KDM5A: variants seen among roughly 807,000 people sequenced by gnomAD.
The protein encoded by KDM5A is lysine-specific demethylase 5A.
A neutral mutation model predicts 193.5 loss-of-function variants in KDM5A; 42 were observed. The observed-to-expected ratio is 0.22, with a 90% CI of 0.17 to 0.28. KDM5A has a LOEUF of 0.28. Among genes scored for constraint, KDM5A ranks in the 10% least tolerant of loss-of-function variants. The pLI is 1.00. For missense variants in KDM5A, 1,692 were observed against 2,055.1 expected (o/e 0.82, Z 3.42); for synonymous variants, 796 against 718.1 (o/e 1.11, Z -1.73).
In KDM5A at chr12:333,480, G is replaced by C; in HGVS notation, c.1653+7C>G. 6.2e-7 allele frequency: 1 copy of C among 1,613,828 alleles called. No homozygotes were observed. The highest frequency in any genetic ancestry group is 1.1e-5 in the South Asian group (1 of 91,072). On this transcript the variant is annotated splice_region_variant and intron_variant, in intron 12 of 27. Transcript: ENST00000399788. ...AAACAACTGAAGGAAGACACCAAAAGACTCACAGGCACACCATGCTCCATT... is the reference window on the plus strand; with the variant it reads ...AAACAACTGAAGGAAGACACCAAAACACTCACAGGCACACCATGCTCCATT...
chr12:335,476 T>C (rs1158508640), intron 10 of KDM5A, among the ~76,000 whole-genome samples: 2 of 152,180 alleles, frequency 1.3e-5, no homozygotes, highest in Admixed American at 1.3e-4. Context: ...TCATAACAGA[T>C]TGAATGCAGA....
At position 283,763 on chromosome 12, in the gene KDM5A, C is replaced by G. The variant is rs946460900; in HGVS notation, c.*1693G>C. 3 of 232,230 alleles carry G rather than the reference C, an allele frequency of 1.3e-5. No homozygotes were observed. The highest frequency in any genetic ancestry group is 1.7e-5 in the Non-Finnish European group (2 of 117,688). 14.4% of individuals were successfully genotyped at this position (232,230 alleles called of 1,614,324 possible). A position where few individuals can be genotyped will look rare whatever the true frequency, so the allele number is the denominator to read the frequency against. ...AAGTCAAACCACAGATTTTTTTAAA[C>G]CAAAATAAAGACACCAGACAGTGAT... On this transcript the variant is annotated 3_prime_UTR_variant, in exon 28 of 28. Transcript: ENST00000399788.
In KDM5A at chr12:281,762, C is replaced by G. The variant is rs1943156227; in HGVS notation, c.*3694G>C. On this transcript the variant is annotated 3_prime_UTR_variant, in exon 28 of 28. Transcript: ENST00000399788. Reference sequence around the variant, plus strand: ...ACCCATCTTTTGAAAGACAGGTCTTCTCAGTTTTTCTGTTCATCCTCCTAC... The same window carrying G: ...ACCCATCTTTTGAAAGACAGGTCTTGTCAGTTTTTCTGTTCATCCTCCTAC... The G allele has an allele frequency of 4.3e-6, 1 of 233,718 alleles. No homozygotes were observed. The highest frequency in any genetic ancestry group is 1.8e-4 in the South Asian group (1 of 5,694). The allele number at this position is 233,718 out of a possible 1,614,324, so 14.5% of individuals were successfully genotyped here.
chr12:296,306 GAC>G (rs1403762142), intron 25 of KDM5A, among the ~76,000 whole-genome samples: 3 of 136,826 alleles, frequency 2.2e-5, no homozygotes, highest in Non-Finnish European at 4.6e-5. Flanking sequence ...TGGGCAACAA[GAC>G]AGAAACTCCA....
chr12:368,683 A>T (rs1185778678), intron 3 of KDM5A, among the ~76,000 whole-genome samples: 1 of 152,162 alleles, frequency 6.6e-6, no homozygotes, highest in Non-Finnish European at 1.5e-5. Flanking sequence ...AGTGAGCCAG[A>T]TTGCACCACT....
At chr12:354,480 G>A (rs955064012) in intron 7 of KDM5A, among the ~76,000 whole-genome samples, 1 of 152,042 alleles carries the variant, frequency 6.6e-6, no homozygotes, top group East Asian at 1.9e-4. Context: ...TTAGAATAAA[G>A]ACTACAGGCC....
At chr12:382,737 G>A (rs1464218666) in intron 3 of KDM5A, among the ~76,000 whole-genome samples, 1 of 152,100 alleles carries the variant, frequency 6.6e-6, no homozygotes, top group Non-Finnish European at 1.5e-5. Flanking sequence ...TTCGAGACCA[G>A]CCTGACTAAG....
At position 282,203 on chromosome 12, in the gene KDM5A, C is replaced by T. The variant is rs185600386; in HGVS notation, c.*3253G>A. 76 of 244,686 alleles carry T rather than the reference C, an allele frequency of 3.1e-4. 1 individual carries two copies. The Middle Eastern group carries it at 6.0e-3, about 19-fold the overall frequency. 15.2% of individuals were successfully genotyped at this position (244,686 alleles called of 1,614,324 possible). ...AGAGACAGACAGACACATGGGGTCT[C>T]GCTGTTGACCAGGCGGGACTCAAAC... On this transcript the variant is annotated 3_prime_UTR_variant, in exon 28 of 28. Transcript: ENST00000399788.
At chr12:363,901 GAC>G (rs1368218863) in intron 4 of KDM5A, among the ~76,000 whole-genome samples, 3 of 151,764 alleles carry the variant, frequency 2.0e-5, no homozygotes, top group African/African-American at 7.3e-5. Context: ...ACAAGTATAA[GAC>G]AAACAACCCA....
chr12:294,567 T>C (rs1943345352), intron 26 of KDM5A, among the ~76,000 whole-genome samples: 1 of 152,228 alleles, frequency 6.6e-6, no homozygotes, highest in Non-Finnish European at 1.5e-5. Context: ...CTTTGCAGAC[T>C]GGAAAACACT....
Position 354,203 on chromosome 12 carries a change from C to G in KDM5A, c.902G>C (p.Arg301Pro). 1 of 1,610,106 alleles carries G rather than the reference C, an allele frequency of 6.2e-7. No homozygotes were observed. The highest frequency in any genetic ancestry group is 8.5e-7 in the Non-Finnish European group (1 of 1,177,020). Residue 301 changes from arginine (R) to proline (P), a missense_variant, in exon 8 of 28, where the codon CGG (arginine) becomes CCG (proline). By Grantham distance (103) the Arg-to-Pro change is moderately radical (BLOSUM62 -2). Around this residue, in one of 11 missense-constraint regions of KDM5A, gnomAD observed 62 missense variants for 107.1 expected, o/e 0.58. Coordinates refer to ENST00000399788, the MANE Select transcript of KDM5A (RefSeq NM_001042603.3). Reference sequence around the variant, plus strand: ...AAGCAATTTATCTTCATTGTTTCCCCGACCACAAAACATACAAACATAGAG... The same window carrying G: ...AAGCAATTTATCTTCATTGTTTCCCGGACCACAAAACATACAAACATAGAG... ...VDLYVCMFCG[R>P]GNNEDKLLLC... is the part of the protein sequence containing the mutation.
At chr12:320,589 TA>T (rs1943705690) in intron 18 of KDM5A, among the ~76,000 whole-genome samples, 1 of 152,082 alleles carries the variant, frequency 6.6e-6, no homozygotes, top group South Asian at 2.1e-4. Flanking sequence ...GATCATTAAC[TA>T]TGGAGATTAA....
intron 14 of KDM5A, among the ~76,000 whole-genome samples, chr12:326,882 A>G (rs910276977): frequency 1.4e-4 from 18 of 130,704 alleles, no homozygotes; most frequent in South Asian, 2.6e-4. Flanking sequence ...AAAAAAAAAA[A>G]AAAAAAAAAG....
At position 346,665 on chromosome 12, in the gene KDM5A, C is replaced by T. The variant is rs189259320; in HGVS notation, c.1308+3956G>A. Reference sequence around the variant, plus strand: ...ACATAAACAGAACCAATGACAAAAACTACATGATTATCTCAATAGATGCAG... The same window carrying T: ...ACATAAACAGAACCAATGACAAAAATTACATGATTATCTCAATAGATGCAG... On this transcript the variant is annotated intron_variant, in intron 10 of 27. Coordinates refer to ENST00000399788, the MANE Select transcript of KDM5A (RefSeq NM_001042603.3). 1.4e-4 allele frequency among the ~76,000 whole-genome samples: 21 copies of T among 152,256 alleles called. No homozygotes were observed. In the East Asian group the frequency reaches 3.7e-3, roughly 27 times the overall value.
intron 13 of KDM5A, among the ~76,000 whole-genome samples, chr12:331,044 C>T (rs761336455): frequency 4.0e-5 from 6 of 151,246 alleles, no homozygotes; most frequent in Admixed American, 6.6e-5. Context: ...AAAAGTATAG[C>T]GCAGAGATCT....
chr12:321,931 G>A (rs889332141), intron 17 of KDM5A, among the ~76,000 whole-genome samples: 1 of 152,078 alleles, frequency 6.6e-6, no homozygotes, highest in African/African-American at 2.4e-5. Flanking sequence ...ATTCTAGTAG[G>A]GGATGGGGGA....
At chr12:295,289 AAAAAAG>A (rs201806016) in intron 26 of KDM5A, among the ~76,000 whole-genome samples, 12 of 130,848 alleles carry the variant, frequency 9.2e-5, no homozygotes, top group Admixed American at 1.6e-4. Flanking sequence ...AGGAAAGAAG[AAAAAAG>A]AAAAAGAAAG....
At chr12:333,097 A>G (rs1943883690) in intron 12 of KDM5A, 1 of 265,452 alleles carries the variant, frequency 3.8e-6, no homozygotes, top group Admixed American at 5.0e-5. Flanking sequence ...TTGTGATTCT[A>G]TCTAATCAAA....
chr12:342,390 AAC>A (rs1944017442), intron 10 of KDM5A, among the ~76,000 whole-genome samples: 1 of 152,206 alleles, frequency 6.6e-6, no homozygotes, highest in South Asian at 2.1e-4. Flanking sequence ...TTACACTTTA[AAC>A]ACATATTTGA....
Sources: gnomAD v4.1 joint callset for allele counts (sites outside exome capture counted in the v4.1 genomes callset) on GRCh38, gnomAD v4.1.1 for gene constraint, gnomAD v4.1.1 regional missense constraint, MANE v1.5 for transcripts, NCBI Gene and HGNC (gene_info 2026-07-23, HGNC 2026-07-21) for gene names.